The following C10orf90 variants were observed in gnomAD, a reference collection of about 807,000 sequenced individuals.
The protein encoded by C10orf90 is chromosome 10 open reading frame 90.
A neutral mutation model predicts 62.5 loss-of-function variants in C10orf90; 56 were observed. That is an observed-to-expected ratio of 0.90 (90% CI 0.72 to 1.12). The LOEUF (loss-of-function observed/expected upper bound fraction) is 1.12, where lower values mean the gene tolerates loss of function less well. Ranked by LOEUF, C10orf90 falls within the 50% of genes most tolerant of loss-of-function variation. The pLI, the probability that C10orf90 is intolerant of heterozygous loss-of-function variation, is 0.00. For missense variants in C10orf90, 970 were observed against 880.4 expected (o/e 1.10, Z -1.29); for synonymous variants, 386 against 340.4 (o/e 1.13, Z -1.47).
intron 3 of C10orf90, among the ~76,000 whole-genome samples, chr10:126,506,325 C>A (rs769144911): frequency 6.6e-6 from 1 of 152,228 alleles, no homozygotes. Context: ...ATGGACTACA[C>A]CCCAGCACTT....
intron 6 of C10orf90, among the ~76,000 whole-genome samples, chr10:126,459,601 T>C (rs1354996781): frequency 6.6e-6 from 1 of 152,178 alleles, no homozygotes; most frequent in Non-Finnish European, 1.5e-5. Context: ...GTGGAGGGCA[T>C]GGAGGTGCTG....
intron 1 of C10orf90, among the ~76,000 whole-genome samples, chr10:126,660,467 C>A (rs1334953881): frequency 6.6e-6 from 1 of 152,178 alleles, no homozygotes. Flanking sequence ...AAGCAGTCCT[C>A]TAAAAGCTGA....
chr10:126,538,460 C>T (rs896749267), intron 2 of C10orf90, among the ~76,000 whole-genome samples: 2 of 152,174 alleles, frequency 1.3e-5, no homozygotes, highest in East Asian at 3.9e-4. Context: ...AAGGGACCAA[C>T]ATCTTGATGT....
At chr10:126,437,047 C>T (rs1857970951) in intron 7 of C10orf90, among the ~76,000 whole-genome samples, 1 of 152,152 alleles carries the variant, frequency 6.6e-6, no homozygotes, top group Non-Finnish European at 1.5e-5. Flanking sequence ...TTCCTCTCTA[C>T]ACAGGGCACC....
At chr10:126,433,574 A>T (rs1484417034) in intron 7 of C10orf90, among the ~76,000 whole-genome samples, 1 of 152,054 alleles carries the variant, frequency 6.6e-6, no homozygotes, top group Non-Finnish European at 1.5e-5. Flanking sequence ...CTTCCTGTAC[A>T]GGGTAGAAGA....
At chr10:126,581,074 G>C (rs1475709108) in intron 2 of C10orf90, among the ~76,000 whole-genome samples, 2 of 152,204 alleles carry the variant, frequency 1.3e-5, no homozygotes, top group African/African-American at 4.8e-5. Flanking sequence ...AACTCGCTTA[G>C]ACTAGCCGCC....
chr10:126,550,238 G>A (rs1313502102), intron 2 of C10orf90, among the ~76,000 whole-genome samples: 7 of 152,182 alleles, frequency 4.6e-5, no homozygotes, highest in Middle Eastern at 3.4e-3. Flanking sequence ...TTACAGGCAT[G>A]AGCCACCGCG....
intron 7 of C10orf90, among the ~76,000 whole-genome samples, chr10:126,438,993 C>G (rs1858120573): frequency 6.6e-6 from 1 of 152,126 alleles, no homozygotes; most frequent in Non-Finnish European, 1.5e-5. Context: ...CATGGCCACT[C>G]CATTGGTACC....
At chr10:126,637,111 T>A (rs1845967081) in intron 2 of C10orf90, among the ~76,000 whole-genome samples, 1 of 152,106 alleles carries the variant, frequency 6.6e-6, no homozygotes, top group South Asian at 2.1e-4. Flanking sequence ...AAGCCCAACT[T>A]GGACTTCTGC....
chr10:126,591,797 T>C (rs1168833227), intron 2 of C10orf90, among the ~76,000 whole-genome samples: 1 of 151,968 alleles, frequency 6.6e-6, no homozygotes, highest in Non-Finnish European at 1.5e-5. Flanking sequence ...ATCTAGAAAA[T>C]CCCATCATAT....
chr10:126,602,346 C>T (rs751768126), intron 2 of C10orf90, among the ~76,000 whole-genome samples: 1 of 152,180 alleles, frequency 6.6e-6, no homozygotes, highest in Non-Finnish European at 1.5e-5. Context: ...GTTTCTCTGA[C>T]CTGGGCCTCT....
At position 126,504,690 on chromosome 10, in the gene C10orf90, C is replaced by T. The variant is rs755029748; in HGVS notation, c.801G>A (p.Glu267=). Residue 267 remains glutamate, a synonymous_variant, in exon 4 of 10, where the codon GAG becomes GAA. Coordinates refer to ENST00000488181, the MANE Select transcript of C10orf90 (RefSeq NM_001350921.2). This position sits in a 1 kb window ranked among gnomAD's most constrained non-coding sequence, Gnocchi z 4.1. The part of the protein sequence containing the change: ...GDSLCPKCRA[E]DTLFQAPPAL... ...CCGGGGGCGCCTGGAACAGTGTGTCCTCAGCCCTGCACTTGGGGCACAGAG... is the reference window on the plus strand; with the variant it reads ...CCGGGGGCGCCTGGAACAGTGTGTCTTCAGCCCTGCACTTGGGGCACAGAG... 5 of 1,613,512 alleles carry T rather than the reference C, an allele frequency of 3.1e-6. No individual in the cohort carries two copies. The African/African-American group carries it at 6.7e-5, about 22-fold the overall frequency.
intron 2 of C10orf90, among the ~76,000 whole-genome samples, chr10:126,564,974 TATATAAA>T (rs1196959789): frequency 3.9e-5 from 1 of 25,556 alleles, no homozygotes; most frequent in African/African-American, 1.4e-4. Context: ...ATATATATAA[TATATAAA>T]ATATAAAATA....
intron 6 of C10orf90, 83 bp from the exon 7 acceptor site, chr10:126,459,300 C>T (rs1211527454): frequency 1.5e-5 from 22 of 1,515,834 alleles, no homozygotes; most frequent in Non-Finnish European, 1.7e-5. Flanking sequence ...GCCAAGAAGC[C>T]GATGGCAAGC....
At chr10:126,643,607 G>A (rs759811235) in intron 2 of C10orf90, among the ~76,000 whole-genome samples, 14 of 152,132 alleles carry the variant, frequency 9.2e-5, no homozygotes, top group African/African-American at 1.7e-4. Flanking sequence ...GTAAGGGTCC[G>A]CACGCTCTTG....
At chr10:126,627,161 G>A (rs1200521936) in intron 2 of C10orf90, among the ~76,000 whole-genome samples, 2 of 151,914 alleles carry the variant, frequency 1.3e-5, no homozygotes, top group South Asian at 2.1e-4. Flanking sequence ...CACCACGCCC[G>A]GCTAATTTTT....
intron 4 of C10orf90, among the ~76,000 whole-genome samples, chr10:126,479,710 T>C (rs1177930827): frequency 6.6e-6 from 1 of 152,200 alleles, no homozygotes; most frequent in Non-Finnish European, 1.5e-5. Context: ...ATGGAAGTCA[T>C]GTGGCTGAAC....
At chr10:126,602,260 G>A (rs1845212802) in intron 2 of C10orf90, among the ~76,000 whole-genome samples, 1 of 152,192 alleles carries the variant, frequency 6.6e-6, no homozygotes, top group Non-Finnish European at 1.5e-5. Context: ...TGGATGCACT[G>A]AACACCCGTC....
intron 4 of C10orf90, among the ~76,000 whole-genome samples, chr10:126,495,983 T>C (rs6597774): frequency 0.56 from 85,204 of 152,008 alleles, 24,804 homozygotes; most frequent in African/African-American, 0.73. Flanking sequence ...AAGCAACTGG[T>C]GGAGTATAAA....
Sources: allele counts gnomAD v4.1 joint callset (sites outside exome capture counted in the v4.1 genomes callset), GRCh38; gene constraint gnomAD v4.1.1; non-coding constraint Gnocchi (gnomAD v3.1); transcripts MANE v1.5; gene names NCBI Gene and HGNC (gene_info 2026-07-23, HGNC 2026-07-21).